Variants in CSRNP3 observed in about 807,000 individuals in gnomAD.
The protein encoded by CSRNP3 is cysteine/serine-rich nuclear protein 3.
CSRNP3 carries 12 observed loss-of-function variants against 48.0 expected under a neutral mutation model. That is an observed-to-expected ratio of 0.25 (90% CI 0.16 to 0.41). The LOEUF (loss-of-function observed/expected upper bound fraction) is 0.41, where lower values mean the gene tolerates loss of function less well. Ranked by LOEUF, CSRNP3 falls within the 10% of genes least tolerant of loss-of-function variation. The pLI, the probability that CSRNP3 is intolerant of heterozygous loss-of-function variation, is 1.00. For missense variants in CSRNP3, 580 were observed against 724.4 expected (o/e 0.80, Z 2.29); for synonymous variants, 263 against 269.7 (o/e 0.98, Z 0.24).
rs140956001 is a variant in CSRNP3, at chr2:165,655,602, G to A, written c.149-2159G>A. ...TTCCTTGGGCTCCCGTAAAAATGACGACAAACAAGATGACTTACTACAGCA... is the reference window on the plus strand; with the variant it reads ...TTCCTTGGGCTCCCGTAAAAATGACAACAAACAAGATGACTTACTACAGCA... On this transcript the variant is annotated intron_variant, in intron 4 of 6. Transcript: ENST00000651982. Among the ~76,000 whole-genome samples, 458 of 152,184 alleles carry A rather than the reference G, an allele frequency of 3.0e-3. 1 individual carries two copies. Among genetic ancestry groups the A allele is most frequent in the Middle Eastern group, 0.01 (3 of 294 alleles).
chr2:165,484,215 C>T (rs1347820132), intron 1 of CSRNP3, among the ~76,000 whole-genome samples: 1 of 152,078 alleles, frequency 6.6e-6, no homozygotes, highest in East Asian at 1.9e-4. Context: ...GCCTCAGCCT[C>T]CCAAGTAGCT....
At chr2:165,530,356 T>C (rs1349635834) in intron 3 of CSRNP3, among the ~76,000 whole-genome samples, 3 of 152,258 alleles carry the variant, frequency 2.0e-5, no homozygotes, top group Non-Finnish European at 1.5e-5. Flanking sequence ...GATTATCATA[T>C]AGCAAATGGC....
intron 3 of CSRNP3, among the ~76,000 whole-genome samples, chr2:165,555,147 C>T (rs750683814): frequency 1.9e-4 from 29 of 152,136 alleles, no homozygotes; most frequent in Non-Finnish European, 3.2e-4. Flanking sequence ...GCTTACCACC[C>T]CCTCCAACAC....
At chr2:165,521,127 A>C (rs1381997536) in intron 3 of CSRNP3, among the ~76,000 whole-genome samples, 1 of 151,244 alleles carries the variant, frequency 6.6e-6, no homozygotes, top group African/African-American at 2.4e-5. Context: ...CAGCTCTGTA[A>C]GTTTAACCAC....
chr2:165,502,595 C>T (rs918101510), intron 2 of CSRNP3, among the ~76,000 whole-genome samples: 3 of 151,938 alleles, frequency 2.0e-5, no homozygotes, highest in African/African-American at 7.2e-5. Context: ...GAAGACTTTA[C>T]CAATGTATAT....
At chr2:165,623,478 C>T (rs2105320094) in intron 4 of CSRNP3, among the ~76,000 whole-genome samples, 1 of 152,304 alleles carries the variant, frequency 6.6e-6, no homozygotes, top group South Asian at 2.1e-4. Context: ...TTGTCTTGCA[C>T]AAAACCAGTC....
chr2:165,480,087 C>T (rs1328909650), intron 1 of CSRNP3, among the ~76,000 whole-genome samples: 1 of 152,108 alleles, frequency 6.6e-6, no homozygotes, highest in Non-Finnish European at 1.5e-5. Context: ...TGCCTGTCAG[C>T]CGGCTGAAGG....
chr2:165,652,964 C>T (rs1369604916), intron 4 of CSRNP3, among the ~76,000 whole-genome samples: 2 of 152,186 alleles, frequency 1.3e-5, no homozygotes, highest in Admixed American at 1.3e-4. Flanking sequence ...CAAAGTAGAG[C>T]TTAATCTTCT....
intron 4 of CSRNP3, among the ~76,000 whole-genome samples, chr2:165,608,386 A>AT (rs964219710): frequency 1.6e-4 from 24 of 152,262 alleles, no homozygotes; most frequent in African/African-American, 5.8e-4. Flanking sequence ...TTTCACTGGC[A>AT]TAAGTAAATG....
At chr2:165,477,308 C>T (rs1018659925) in intron 1 of CSRNP3, among the ~76,000 whole-genome samples, 6 of 151,046 alleles carry the variant, frequency 4.0e-5, no homozygotes, top group Admixed American at 2.0e-4. Flanking sequence ...AGACTTTTAA[C>T]GAAGGGTATG....
At chr2:165,513,708 A>C (rs529798355) in intron 2 of CSRNP3, among the ~76,000 whole-genome samples, 1 of 152,304 alleles carries the variant, frequency 6.6e-6, no homozygotes, top group Admixed American at 6.5e-5. Context: ...TGCCTCACTG[A>C]CCTACTGAAG....
At chr2:165,658,112 C>G in intron 5 of CSRNP3, 92 bp downstream of exon 5, 1 of 1,392,362 alleles carries the variant, frequency 7.2e-7, no homozygotes, top group Middle Eastern at 2.6e-4. Flanking sequence ...ACGAAACAAA[C>G]TGGGCACTTT....
intron 3 of CSRNP3, among the ~76,000 whole-genome samples, chr2:165,570,137 A>G (rs1212483182): frequency 1.3e-5 from 2 of 152,004 alleles, no homozygotes; most frequent in African/African-American, 2.4e-5. Flanking sequence ...CCTGGTGTGC[A>G]GACTTGAAAA....
At chr2:165,666,794 A>AAG (rs573765330) in intron 5 of CSRNP3, among the ~76,000 whole-genome samples, 1 of 142,906 alleles carries the variant, frequency 7.0e-6, no homozygotes, top group East Asian at 2.3e-4. Flanking sequence ...GCAGGAAGGA[A>AAG]AGAGAGAGAG....
chr2:165,475,916 A>G (rs933791989), intron 1 of CSRNP3, among the ~76,000 whole-genome samples: 4 of 152,268 alleles, frequency 2.6e-5, no homozygotes, highest in Admixed American at 1.3e-4. Flanking sequence ...GCTCTGTTTC[A>G]TTATAATACT....
chr2:165,538,805 T>C, intron 3 of CSRNP3, among the ~76,000 whole-genome samples: 1 of 151,968 alleles, frequency 6.6e-6, no homozygotes, highest in East Asian at 1.9e-4. Flanking sequence ...GCAATACACT[T>C]GTGAACACTG....
intron 3 of CSRNP3, chr2:165,567,074 T>C (rs1245492663): frequency 6.6e-6 from 1 of 152,112 alleles, no homozygotes; most frequent in Non-Finnish European, 1.5e-5. Flanking sequence ...ATAACCCTTT[T>C]ACTTATGGTG....
At chr2:165,542,197 A>G (rs1040094197) in intron 3 of CSRNP3, among the ~76,000 whole-genome samples, 1 of 152,196 alleles carries the variant, frequency 6.6e-6, no homozygotes, top group South Asian at 2.1e-4. Flanking sequence ...CTAATGCTGA[A>G]TATCACTGAT....
chr2:165,555,413 A>C (rs952934365), intron 3 of CSRNP3, among the ~76,000 whole-genome samples: 1 of 152,212 alleles, frequency 6.6e-6, no homozygotes, highest in Non-Finnish European at 1.5e-5. Flanking sequence ...TCAAAAGTAC[A>C]AGCCCAAAAC....
Sources: gnomAD v4.1 joint callset for allele counts (sites outside exome capture counted in the v4.1 genomes callset) on GRCh38, gnomAD v4.1.1 for gene constraint, MANE v1.5 for transcripts, NCBI Gene and HGNC (gene_info 2026-07-23, HGNC 2026-07-21) for gene names.